Variants in RPL15 observed in about 807,000 individuals in gnomAD.
The protein encoded by RPL15 is large ribosomal subunit protein eL15.
For missense variants in RPL15, 161 were observed against 271.8 expected (o/e 0.59, Z 2.87); for synonymous variants, 97 against 95.1 (o/e 1.02, Z -0.12).
chr3:23,917,340 G>A (rs1704657887), intron 1 of RPL15, 167 bp downstream of exon 1: 1 of 153,248 alleles, frequency 6.5e-6, no homozygotes. Context: ...GGCCCCCGGG[G>A]CGGGTTGAGC....
intron 3 of RPL15, chr3:23,918,975 A>G: frequency 1.7e-6 from 1 of 587,774 alleles, no homozygotes; most frequent in Non-Finnish European, 3.0e-6. Context: ...GGAATGGAGT[A>G]TTAAGAGGGA....
chr3:23,924,228 A>G (rs1705169515), downstream of RPL15: 1 of 152,224 alleles, frequency 6.6e-6, no homozygotes, highest in Non-Finnish European at 1.5e-5. Flanking sequence ...GCTTAGCCCT[A>G]ACTAATTCAA....
upstream of RPL15, chr3:23,917,005 C>T (rs1477635849): frequency 6.6e-6 from 1 of 152,594 alleles, no homozygotes; most frequent in Non-Finnish European, 1.5e-5. Flanking sequence ...GCCGCGGCGC[C>T]CCACTCGGCA....
chr3:23,918,825 A>C, intron 3 of RPL15: 2 of 545,958 alleles, frequency 3.7e-6, no homozygotes, highest in Non-Finnish European at 6.4e-6. Flanking sequence ...AAGAGACCAA[A>C]TGTGGCCTGC....
At chr3:23,921,621 T>A, downstream of RPL15, 1 of 588,216 alleles carries the variant, frequency 1.7e-6, no homozygotes, top group Non-Finnish European at 3.1e-6. Flanking sequence ...CTCACTCAGG[T>A]GGGAGTGCAG....
At chr3:23,921,450 C>G, downstream of RPL15, 1 of 610,850 alleles carries the variant, frequency 1.6e-6, no homozygotes, top group Non-Finnish European at 2.9e-6. Flanking sequence ...GATGGGAAAG[C>G]TTTACTCCAA....
chr3:23,921,169 G>T (rs1705057741), downstream of RPL15, among the ~76,000 whole-genome samples: 1 of 152,178 alleles, frequency 6.6e-6, no homozygotes, highest in African/African-American at 2.4e-5. Flanking sequence ...ATTTGGGAAG[G>T]AGAGAAAGGG....
At position 23,918,466 on chromosome 3, in the gene RPL15, C is replaced by T; in HGVS notation, c.199C>T (p.Arg67Cys). The change falls in exon 3 of 4, where the codon CGC becomes TGC. Residue 67 changes from arginine (R) to cysteine (C), a missense_variant. Arg to Cys is a radical substitution (Grantham distance 180). Coordinates refer to ENST00000307839, the MANE Select transcript of RPL15 (RefSeq NM_002948.5). The stretch of plus-strand genomic sequence containing the variant: ...TTACGTTATATATAGGATTCGTGTT[C>T]GCCGTGGTGGCCGAAAACGCCCAGT... ...QGYVIYRIRV[R>C]RGGRKRPVPK... 2.5e-6 allele frequency: 4 copies of T among 1,612,968 alleles called. No homozygotes were observed. The highest frequency in any genetic ancestry group is 3.4e-6 in the Non-Finnish European group (4 of 1,179,832).
chr3:23,921,864 C>T, downstream of RPL15: 2 of 487,324 alleles, frequency 4.1e-6, no homozygotes, highest in South Asian at 6.2e-5. Flanking sequence ...CGTGAGCCAC[C>T]ACCCCCAGCC....
chr3:23,921,570 GTTTT>G (rs71622703), downstream of RPL15: 611 of 507,264 alleles, frequency 1.2e-3, no homozygotes, highest in Middle Eastern at 3.4e-3. Context: ...TGATTATTGA[GTTTT>G]TTTTTTTTTT....
At chr3:23,923,553 C>G (rs1575126219), downstream of RPL15, 1 of 152,126 alleles carries the variant, frequency 6.6e-6, no homozygotes, top group Non-Finnish European at 1.5e-5. Flanking sequence ...TGCATGGTAT[C>G]CCATCATGTG....
chr3:23,918,132 A>G, intron 2 of RPL15, 101 bp downstream of exon 2: 1 of 1,423,718 alleles, frequency 7.0e-7, no homozygotes, highest in Non-Finnish European at 9.5e-7. Context: ...CTTTCTTCGC[A>G]TAGGGCTTTG....
Position 23,920,723 on chromosome 3 carries a change from C to G in RPL15, c.*1222C>G, listed in dbSNP as rs1445342418. On this transcript the variant is annotated 3_prime_UTR_variant, in exon 4 of 4. Coordinates refer to ENST00000307839, the MANE Select transcript of RPL15 (RefSeq NM_002948.5). ...ATTGATTTCCAGGAAGTACTCATAG[C>G]AAGTTCATAAAAGTTCTTGAGACCT... 1.0e-6 allele frequency: 1 copy of G among 983,068 alleles called. No homozygotes were observed. The highest frequency in any genetic ancestry group is 1.8e-5 in the African/African-American group (1 of 57,110). 60.9% of individuals were successfully genotyped at this position (983,068 alleles called of 1,614,324 possible). A position where few individuals can be genotyped will look rare whatever the true frequency, so the allele number is the denominator to read the frequency against.
Position 23,917,899 on chromosome 3 carries a change from A to C in RPL15, c.40A>C (p.Lys14Gln). 2 of 1,612,704 alleles carry C rather than the reference A, an allele frequency of 1.2e-6. No individual in the cohort carries two copies. Among genetic ancestry groups the C allele is most frequent in the South Asian group, 1.1e-5 (1 of 90,960 alleles). ...GTACATCCAGGAGCTATGGAGAAAG[A>C]AGCAGTCTGATGTCATGCGCTTTCT... ...YKYIQELWRK[K>Q]QSDVMRFLLR... Residue 14 changes from lysine to glutamine, a missense_variant, in exon 2 of 4, where the codon AAG becomes CAG. Lys to Gln is a moderately conservative substitution (Grantham distance 53, BLOSUM62 1). Transcript: ENST00000307839.
At position 23,917,870 on chromosome 3, in the gene RPL15, A is replaced by C. The variant is rs771618191; in HGVS notation, c.11A>C (p.Tyr4Ser). The C allele has an allele frequency of 6.2e-7, 1 of 1,609,328 alleles. No homozygotes were observed. The highest frequency in any genetic ancestry group is 1.1e-5 in the South Asian group (1 of 90,514). The part of the protein sequence containing the change: MGA[Y>S]KYIQELWRKK... Reference sequence around the variant, plus strand: ...CACAGGTAAGCCAAGATGGGTGCATACAAGTACATCCAGGAGCTATGGAGA... The same window carrying C: ...CACAGGTAAGCCAAGATGGGTGCATCCAAGTACATCCAGGAGCTATGGAGA... Residue 4 changes from tyrosine (Y) to serine (S), a missense_variant, in exon 2 of 4, where the codon TAC becomes TCC. Tyr to Ser is a moderately radical substitution (Grantham distance 144). Transcript: ENST00000307839.
At chr3:23,923,864 TA>T (rs1294014556), downstream of RPL15, 6 of 152,314 alleles carry the variant, frequency 3.9e-5, no homozygotes, top group South Asian at 1.0e-3. Flanking sequence ...GCCAGTCTGT[TA>T]GGGGGAAATG....
Position 23,920,750 on chromosome 3 carries a change from A to C in RPL15, c.*1249A>C, listed in dbSNP as rs967890584. On this transcript the variant is annotated 3_prime_UTR_variant, in exon 4 of 4. Coordinates refer to ENST00000307839, the MANE Select transcript of RPL15 (RefSeq NM_002948.5). ...AGTTCATAAAAGTTCTTGAGACCTA[A>C]ATTTCTTCACAAAAAAAGAAAAGAT... 4 of 975,360 alleles carry C rather than the reference A, an allele frequency of 4.1e-6. No individual in the cohort carries two copies. The African/African-American group carries it at 7.0e-5, about 17-fold the overall frequency. The allele number at this position is 975,360 out of a possible 1,614,324, so 60.4% of individuals were successfully genotyped here.
chr3:23,918,207 T>A, intron 2 of RPL15, 176 bp downstream of exon 2: 1 of 970,344 alleles, frequency 1.0e-6, no homozygotes. Context: ...GGCAAGTGTG[T>A]CAAAGGTTAC....
downstream of RPL15, chr3:23,923,687 A>G (rs1002362948): frequency 1.5e-4 from 23 of 152,254 alleles, no homozygotes; most frequent in African/African-American, 5.3e-4. Context: ...ATAAATTCTT[A>G]GAAGTAGAAT....
Sources: allele counts gnomAD v4.1 joint callset (sites outside exome capture counted in the v4.1 genomes callset), GRCh38; gene constraint gnomAD v4.1.1; transcripts MANE v1.5; gene names NCBI Gene and HGNC (gene_info 2026-07-23, HGNC 2026-07-21).